PPARGC1A: variants seen among roughly 807,000 people sequenced by gnomAD.
PPARGC1A encodes the protein peroxisome proliferator-activated receptor gamma coactivator 1-alpha.
Under a neutral mutation model 88.7 loss-of-function variants are expected in PPARGC1A, and 25 were observed. The observed-to-expected ratio is 0.28, with a 90% CI of 0.21 to 0.39. PPARGC1A has a LOEUF of 0.39. Among genes scored for constraint, PPARGC1A ranks in the 10% least tolerant of loss-of-function variants. The pLI is 1.00. For missense variants in PPARGC1A, 880 were observed against 968.7 expected, an observed-to-expected ratio of 0.91 and a Z score of 1.22; for synonymous variants, 363 against 355.6, an observed-to-expected ratio of 1.02 and a Z score of -0.24.
the PPARGC1A span, among the ~76,000 whole-genome samples, chr4:24,000,657 T>C: frequency 2.0e-5 from 3 of 152,174 alleles, no homozygotes; most frequent in African/African-American, 7.2e-5. Flanking sequence ...ATTTTTTCTT[T>C]TTTTCTTACG....
the PPARGC1A span, among the ~76,000 whole-genome samples, chr4:24,427,132 C>G: frequency 3.3e-5 from 5 of 152,144 alleles, no homozygotes; most frequent in African/African-American, 1.2e-4. Context: ...CTTAGGTTCC[C>G]ATAGTAAGGT....
intron 5 of PPARGC1A, among the ~76,000 whole-genome samples, chr4:23,825,787 T>C (rs751549125): frequency 1.6e-4 from 24 of 152,302 alleles, no homozygotes; most frequent in Admixed American, 5.2e-4. Context: ...ATGAAGCTCA[T>C]ATCTTCAACA....
the PPARGC1A span, among the ~76,000 whole-genome samples, chr4:24,397,561 A>G: frequency 6.6e-6 from 1 of 152,176 alleles, no homozygotes; most frequent in Non-Finnish European, 1.5e-5. Context: ...GATATCCTTA[A>G]AAAGAGACAT....
chr4:24,160,219 C>A, the PPARGC1A span, among the ~76,000 whole-genome samples: 1 of 152,210 alleles, frequency 6.6e-6, no homozygotes, highest in Admixed American at 6.5e-5. Context: ...GTTCATTTCA[C>A]AAATATTCAT....
At chr4:24,029,005 C>G in the PPARGC1A span, among the ~76,000 whole-genome samples, 14 of 152,252 alleles carry the variant, frequency 9.2e-5, no homozygotes, top group East Asian at 7.7e-4. Context: ...TCCTTTCCCA[C>G]AAATAGTTAG....
the PPARGC1A span, among the ~76,000 whole-genome samples, chr4:24,026,329 G>T: frequency 1.3e-5 from 2 of 152,110 alleles, no homozygotes; most frequent in African/African-American, 4.8e-5. Flanking sequence ...CCAGAGAAAT[G>T]TTTGCATACA....
the PPARGC1A span, among the ~76,000 whole-genome samples, chr4:24,069,100 C>A: frequency 6.6e-6 from 1 of 152,098 alleles, no homozygotes; most frequent in Non-Finnish European, 1.5e-5. Context: ...TTTAACAAAG[C>A]CACAAGGTAG....
the PPARGC1A span, among the ~76,000 whole-genome samples, chr4:24,101,102 C>A: frequency 6.6e-6 from 1 of 152,184 alleles, no homozygotes; most frequent in African/African-American, 2.4e-5. Context: ...ATTGTAATCT[C>A]CACTGTTGGA....
At chr4:24,383,939 T>C in the PPARGC1A span, among the ~76,000 whole-genome samples, 1 of 151,878 alleles carries the variant, frequency 6.6e-6, no homozygotes, top group African/African-American at 2.4e-5. Context: ...TTCACCAAGG[T>C]TGAAATGAAG....
chr4:24,042,696 T>C, the PPARGC1A span, among the ~76,000 whole-genome samples: 1 of 152,158 alleles, frequency 6.6e-6, no homozygotes, highest in Non-Finnish European at 1.5e-5. Context: ...AATGACCCAG[T>C]AGTTAAAAGT....
chr4:23,949,059 A>G, the PPARGC1A span, among the ~76,000 whole-genome samples: 2 of 152,164 alleles, frequency 1.3e-5, no homozygotes, highest in Admixed American at 6.5e-5. Context: ...TCAAGTCACA[A>G]GGCAAATGGA....
chr4:24,274,634 C>T, the PPARGC1A span, among the ~76,000 whole-genome samples: 2 of 152,166 alleles, frequency 1.3e-5, no homozygotes, highest in African/African-American at 4.8e-5. Context: ...CATGCAAAAA[C>T]CATTCTTAAC....
chr4:23,905,063 C>G (rs1043731561), upstream of PPARGC1A, among the ~76,000 whole-genome samples: 7 of 152,140 alleles, frequency 4.6e-5, no homozygotes, highest in Non-Finnish European at 8.8e-5. Context: ...CAACCCTTCT[C>G]AAAAAACACT....
intron 2 of PPARGC1A, chr4:23,880,599 G>C (rs1352117259): frequency 1.3e-5 from 2 of 152,168 alleles, no homozygotes; most frequent in Non-Finnish European, 2.9e-5. Context: ...ATAACTGAAA[G>C]CCAAATGAAG....
At chr4:24,463,540 C>A in the PPARGC1A span, among the ~76,000 whole-genome samples, 1 of 152,180 alleles carries the variant, frequency 6.6e-6, no homozygotes, top group Non-Finnish European at 1.5e-5. Context: ...AGAGATGGAA[C>A]AAAGAATGAT....
At chr4:23,994,523 C>G in the PPARGC1A span, among the ~76,000 whole-genome samples, 1 of 152,070 alleles carries the variant, frequency 6.6e-6, no homozygotes, top group Non-Finnish European at 1.5e-5. Context: ...GAAGAGCACA[C>G]AACTAATATA....
the PPARGC1A span, among the ~76,000 whole-genome samples, chr4:24,446,997 T>G: frequency 1.3e-5 from 2 of 151,956 alleles, no homozygotes; most frequent in Non-Finnish European, 2.9e-5. Flanking sequence ...CTAGAGAAGG[T>G]CCTCAGCCTC....
the PPARGC1A span, among the ~76,000 whole-genome samples, chr4:24,233,417 G>T: frequency 7.5e-4 from 113 of 151,276 alleles, no homozygotes; most frequent in African/African-American, 2.6e-3. Context: ...CTATCAAATG[G>T]ATTTAGAGGA....
chr4:23,800,272 T>G (rs1018499669), intron 12 of PPARGC1A, among the ~76,000 whole-genome samples: 3 of 152,126 alleles, frequency 2.0e-5, no homozygotes, highest in African/African-American at 7.2e-5. Context: ...TATAATTATG[T>G]CATATGCACA....
Sources: gnomAD v4.1 joint callset for allele counts (sites outside exome capture counted in the v4.1 genomes callset) on GRCh38, gnomAD v4.1.1 for gene constraint, MANE v1.5 for transcripts, NCBI Gene and HGNC (gene_info 2026-07-23, HGNC 2026-07-21) for gene names.